RIT2: variants seen among roughly 807,000 people sequenced by gnomAD.
RIT2 encodes Ras like without CAAX 2.
Under a neutral mutation model 23.7 loss-of-function variants are expected in RIT2, and 24 were observed. The observed-to-expected ratio is 1.01, with a 90% CI of 0.73 to 1.43. RIT2 has a LOEUF of 1.43. Among genes scored for constraint, RIT2 ranks in the 40% most tolerant of loss-of-function variants. The pLI is 0.00. For missense variants in RIT2, 236 were observed against 266.9 expected, an observed-to-expected ratio of 0.88 and a Z score of 0.81; for synonymous variants, 107 against 91.1, an observed-to-expected ratio of 1.17 and a Z score of -0.99.
intron 2 of RIT2, among the ~76,000 whole-genome samples, chr18:43,021,109 T>G (rs1911585222): frequency 6.6e-6 from 1 of 152,078 alleles, no homozygotes; most frequent in African/African-American, 2.4e-5. Context: ...TTGCAAACAA[T>G]TCATCTGACA....
chr18:42,853,179 G>A (rs1301794907), intron 4 of RIT2, among the ~76,000 whole-genome samples: 6 of 152,108 alleles, frequency 3.9e-5, no homozygotes, highest in African/African-American at 1.4e-4. Context: ...TGTGACACCT[G>A]TCGTGTATGC....
chr18:43,090,983 A>C, intron 1 of RIT2, among the ~76,000 whole-genome samples: 1 of 151,994 alleles, frequency 6.6e-6, no homozygotes, highest in Non-Finnish European at 1.5e-5. Context: ...ACACAAGTTT[A>C]TCTGTATGAC....
chr18:43,058,713 CCT>C (rs1228081395), intron 1 of RIT2, among the ~76,000 whole-genome samples: 1 of 151,906 alleles, frequency 6.6e-6, no homozygotes, highest in African/African-American at 2.4e-5. Context: ...ATGGCAAAAC[CCT>C]GTCTCTACAA....
rs562751297 is a variant in RIT2, at chr18:42,975,948, A to G, written c.161-1801T>C. ...TCCATTTTAGCACTGCTTTTGCTAT[A>G]TCCCATCAGTTTTAGAATGCTGTGT... On this transcript the variant is annotated intron_variant, in intron 2 of 4. Coordinates refer to ENST00000326695, the MANE Select transcript of RIT2 (RefSeq NM_002930.4). Among the ~76,000 whole-genome samples, 13 of 152,084 alleles carry G rather than the reference A, an allele frequency of 8.5e-5. No individual in the cohort carries two copies. The South Asian group carries it at 2.7e-3, about 32-fold the overall frequency.
chr18:42,805,693 A>C (rs1469848864), intron 4 of RIT2, among the ~76,000 whole-genome samples: 3 of 152,202 alleles, frequency 2.0e-5, no homozygotes, highest in Non-Finnish European at 4.4e-5. Flanking sequence ...TCAAAGAATC[A>C]CACTTATTGA....
intron 4 of RIT2, among the ~76,000 whole-genome samples, chr18:42,890,702 A>C (rs1264468933): frequency 6.6e-6 from 1 of 152,162 alleles, no homozygotes; most frequent in Non-Finnish European, 1.5e-5. Flanking sequence ...AAGGACATTA[A>C]TGTAGCCTGC....
intron 2 of RIT2, among the ~76,000 whole-genome samples, chr18:43,027,831 G>T (rs951884106): frequency 6.6e-6 from 1 of 152,066 alleles, no homozygotes; most frequent in Non-Finnish European, 1.5e-5. Flanking sequence ...TTTAATTTGG[G>T]TGGTGCTTAG....
chr18:42,764,636 T>C (rs1203636946), intron 4 of RIT2, among the ~76,000 whole-genome samples: 1 of 152,194 alleles, frequency 6.6e-6, no homozygotes, highest in Non-Finnish European at 1.5e-5. Flanking sequence ...CCCCCATAAA[T>C]ACCAGTTCTT....
At chr18:42,971,040 C>A (rs1910350643) in intron 3 of RIT2, among the ~76,000 whole-genome samples, 1 of 151,942 alleles carries the variant, frequency 6.6e-6, no homozygotes, top group Non-Finnish European at 1.5e-5. Context: ...ACCCACTTTA[C>A]TTCTTTGTAT....
At chr18:43,032,413 T>A (rs973327769) in intron 2 of RIT2, among the ~76,000 whole-genome samples, 1 of 152,082 alleles carries the variant, frequency 6.6e-6, no homozygotes, top group African/African-American at 2.4e-5. Context: ...ACTGAGTGAA[T>A]TTCTGATATC....
intron 4 of RIT2, among the ~76,000 whole-genome samples, chr18:42,804,248 C>G (rs866620034): frequency 6.6e-6 from 1 of 152,116 alleles, no homozygotes; most frequent in South Asian, 2.1e-4. Context: ...TGGATTAAGA[C>G]TTATTTTCTT....
intron 4 of RIT2, among the ~76,000 whole-genome samples, chr18:42,809,049 C>T (rs2143972865): frequency 6.6e-6 from 1 of 152,134 alleles, no homozygotes; most frequent in African/African-American, 2.4e-5. Flanking sequence ...GATTTCAACA[C>T]ACTGTTGAGA....
chr18:43,092,325 T>C (rs574330813), intron 1 of RIT2, among the ~76,000 whole-genome samples: 1 of 152,230 alleles, frequency 6.6e-6, no homozygotes, highest in South Asian at 2.1e-4. Context: ...ATCAAAGATT[T>C]GTTTTTTCCT....
chr18:42,974,311 G>A (rs1294539006), intron 2 of RIT2, among the ~76,000 whole-genome samples, 164 bp from the exon 3 acceptor site: 1 of 151,916 alleles, frequency 6.6e-6, no homozygotes, highest in East Asian at 1.9e-4. Flanking sequence ...GGAAAATATA[G>A]GAGAAAGTGT....
chr18:42,759,712 T>TACACACACAC (rs59733922), intron 4 of RIT2, among the ~76,000 whole-genome samples: 3 of 131,662 alleles, frequency 2.3e-5, no homozygotes, highest in African/African-American at 8.7e-5. Flanking sequence ...GTGTTAAATC[T>TACACACACAC]ACACACACAC....
intron 4 of RIT2, among the ~76,000 whole-genome samples, chr18:42,824,947 C>A (rs1188484151): frequency 6.6e-6 from 1 of 151,896 alleles, no homozygotes; most frequent in East Asian, 1.9e-4. Context: ...GAATTAACTT[C>A]TATTTTCAAG....
At chr18:43,058,232 G>A (rs1912556500) in intron 1 of RIT2, among the ~76,000 whole-genome samples, 4 of 152,058 alleles carry the variant, frequency 2.6e-5, no homozygotes, top group African/African-American at 9.7e-5. Context: ...TCACTCGAAT[G>A]TATAGTGATA....
At chr18:42,814,908 T>C (rs998445227) in intron 4 of RIT2, among the ~76,000 whole-genome samples, 2 of 152,030 alleles carry the variant, frequency 1.3e-5, no homozygotes, top group Admixed American at 1.3e-4. Flanking sequence ...GGTGGCTAGA[T>C]CCAGAAGAGA....
intron 1 of RIT2, among the ~76,000 whole-genome samples, chr18:43,041,314 T>C (rs1912123552): frequency 6.6e-6 from 1 of 152,162 alleles, no homozygotes; most frequent in African/African-American, 2.4e-5. Context: ...GAATGCTTAG[T>C]AGACTCAATA....
Sources: gnomAD v4.1 joint callset for allele counts (sites outside exome capture counted in the v4.1 genomes callset) on GRCh38, gnomAD v4.1.1 for gene constraint, MANE v1.5 for transcripts, NCBI Gene and HGNC (gene_info 2026-07-23, HGNC 2026-07-21) for gene names.